ULK4: variants seen among roughly 807,000 people sequenced by gnomAD.
ULK4 encodes the protein unc-51 like kinase 4, also known as inactive serine/threonine-protein kinase ULK4.
A neutral mutation model predicts 160.6 loss-of-function variants in ULK4; 133 were observed. The ratio of observed to expected loss-of-function variants is 0.83; its 90% confidence interval spans 0.72 to 0.96. The LOEUF (loss-of-function observed/expected upper bound fraction) is 0.96. Among genes scored for constraint, ULK4 ranks in the 40% least tolerant of loss-of-function variants. The probability of loss-of-function intolerance (pLI) is 0.00; values close to 1 mark genes in which losing one functional copy is unlikely to be tolerated. For missense variants in ULK4, 1,580 were observed against 1,499.5 expected, an observed-to-expected ratio of 1.05 and a Z score of -0.89; for synonymous variants, 534 against 539.8, an observed-to-expected ratio of 0.99 and a Z score of 0.15.
chr3:41,900,745 G>C lies in ULK4; in HGVS notation c.1267C>G (p.Pro423Ala). 6.2e-7 allele frequency: 1 copy of C among 1,613,460 alleles called. No homozygotes were observed. The highest frequency in any genetic ancestry group is 8.5e-7 in the Non-Finnish European group (1 of 1,179,644). ...IYTDSDLVVTPIIDNPKIMKQ... is the reference protein window; with the variant it reads ...IYTDSDLVVTAIIDNPKIMKQ... ...TGCACCTTTGGATTGTCGATAATGGGGGTGACAACAAGATCTGAGTCCGTG... is the reference window on the plus strand; with the variant it reads ...TGCACCTTTGGATTGTCGATAATGGCGGTGACAACAAGATCTGAGTCCGTG... Residue 423 changes from proline (P) to alanine (A), a missense_variant, in exon 13 of 37, where the codon CCC becomes GCC. Transcript: ENST00000301831.
chr3:41,756,285 G>T (rs1236729170), intron 21 of ULK4, among the ~76,000 whole-genome samples: 1 of 151,928 alleles, frequency 6.6e-6, no homozygotes, highest in Non-Finnish European at 1.5e-5. Context: ...TACTACAATC[G>T]GCTTTATCTA....
At chr3:41,258,004 C>T (rs1041603580) in intron 35 of ULK4, among the ~76,000 whole-genome samples, 1 of 151,998 alleles carries the variant, frequency 6.6e-6, no homozygotes, top group African/African-American at 2.4e-5. Context: ...TGGTAATGCC[C>T]GTGATAAGAG....
intron 35 of ULK4, among the ~76,000 whole-genome samples, chr3:41,288,996 A>C (rs1265930678): frequency 6.6e-6 from 1 of 152,204 alleles, no homozygotes; most frequent in Non-Finnish European, 1.5e-5. Flanking sequence ...CACAGCTCGG[A>C]GCACACAGTG....
At chr3:41,621,080 G>A (rs1041323872) in intron 30 of ULK4, among the ~76,000 whole-genome samples, 2 of 152,112 alleles carry the variant, frequency 1.3e-5, no homozygotes, top group Non-Finnish European at 2.9e-5. Flanking sequence ...CCTCTTCAAG[G>A]AGAACTACAA....
At chr3:41,297,285 A>G (rs1356027621) in intron 35 of ULK4, among the ~76,000 whole-genome samples, 1 of 152,064 alleles carries the variant, frequency 6.6e-6, no homozygotes, top group Admixed American at 6.5e-5. Flanking sequence ...CTCTGCAATC[A>G]CTGGGCGGGG....
intron 31 of ULK4, among the ~76,000 whole-genome samples, chr3:41,569,674 T>A (rs2087902905): frequency 6.6e-6 from 1 of 152,156 alleles, no homozygotes; most frequent in Non-Finnish European, 1.5e-5. Flanking sequence ...CTGGCCCCTA[T>A]TTATATTGCC....
At chr3:41,793,465 T>C (rs1050447613) in intron 20 of ULK4, among the ~76,000 whole-genome samples, 7 of 152,150 alleles carry the variant, frequency 4.6e-5, no homozygotes, top group Non-Finnish European at 1.0e-4. Context: ...TGATGTCATA[T>C]GAAATTACCC....
chr3:41,856,527 A>C (rs6764834), intron 17 of ULK4, among the ~76,000 whole-genome samples: 1 of 125,266 alleles, frequency 8.0e-6, no homozygotes, highest in African/African-American at 3.4e-5. Flanking sequence ...ATATATATAT[A>C]TATATGTATG....
At chr3:41,617,886 C>A (rs903212756) in intron 30 of ULK4, among the ~76,000 whole-genome samples, 2 of 152,108 alleles carry the variant, frequency 1.3e-5, no homozygotes, top group African/African-American at 4.8e-5. Context: ...TAAAAGGTTA[C>A]AGGAACTGCT....
At chr3:41,407,122 C>T (rs537699727) in intron 34 of ULK4, among the ~76,000 whole-genome samples, 1 of 151,998 alleles carries the variant, frequency 6.6e-6, no homozygotes, top group Non-Finnish European at 1.5e-5. Flanking sequence ...AGAAAGCAGG[C>T]CGAGGCTCAA....
chr3:41,305,043 G>GA (rs1281547234), intron 35 of ULK4, among the ~76,000 whole-genome samples: 1 of 152,192 alleles, frequency 6.6e-6, no homozygotes, highest in Non-Finnish European at 1.5e-5. Flanking sequence ...ATGCTCTGCA[G>GA]AAAAAAGTTA....
At chr3:41,791,667 T>A (rs752368332) in intron 20 of ULK4, among the ~76,000 whole-genome samples, 1 of 152,192 alleles carries the variant, frequency 6.6e-6, no homozygotes, top group African/African-American at 2.4e-5. Flanking sequence ...TACACTCCAA[T>A]GCCAATGACT....
At chr3:41,923,191 T>TA (rs1005630669) in intron 5 of ULK4, among the ~76,000 whole-genome samples, 16 of 148,766 alleles carry the variant, frequency 1.1e-4, no homozygotes, top group African/African-American at 2.7e-4. Context: ...AAATAAATAA[T>TA]AAAAAAAATA....
At chr3:41,828,933 G>C (rs1218991153) in intron 18 of ULK4, among the ~76,000 whole-genome samples, 1 of 151,760 alleles carries the variant, frequency 6.6e-6, no homozygotes, top group Admixed American at 6.6e-5. Context: ...GCATGGTACT[G>C]GTACCAAAAC....
At chr3:41,305,379 A>C (rs10049274) in intron 35 of ULK4, among the ~76,000 whole-genome samples, 26,939 of 152,156 alleles carry the variant, frequency 0.18, 3,046 homozygotes, top group African/African-American at 0.32. Flanking sequence ...TGCAGGCTCG[A>C]GCCGCCACGC....
intron 34 of ULK4, among the ~76,000 whole-genome samples, chr3:41,452,941 G>T (rs1024132373): frequency 3.3e-5 from 5 of 152,062 alleles, no homozygotes; most frequent in Non-Finnish European, 5.9e-5. Flanking sequence ...TAACGTGTTC[G>T]CAGTTAATCC....
intron 31 of ULK4, among the ~76,000 whole-genome samples, chr3:41,570,894 C>T (rs1467813381): frequency 6.6e-6 from 1 of 152,146 alleles, no homozygotes; most frequent in Non-Finnish European, 1.5e-5. Flanking sequence ...ACTCAATCTG[C>T]AGAGGGGTAT....
At chr3:41,375,426 A>G (rs1418867760) in intron 35 of ULK4, among the ~76,000 whole-genome samples, 1 of 150,226 alleles carries the variant, frequency 6.7e-6, no homozygotes. Flanking sequence ...TGGTACCATA[A>G]CAGAGATATA....
chr3:41,851,402 C>A (rs2042209661), intron 17 of ULK4, among the ~76,000 whole-genome samples: 1 of 152,096 alleles, frequency 6.6e-6, no homozygotes, highest in African/African-American at 2.4e-5. Flanking sequence ...TATGTTGAAC[C>A]AGCCTTGCAT....
Sources: allele counts gnomAD v4.1 joint callset (sites outside exome capture counted in the v4.1 genomes callset), GRCh38; gene constraint gnomAD v4.1.1; transcripts MANE v1.5; gene names NCBI Gene and HGNC (gene_info 2026-07-23, HGNC 2026-07-21).